The following CFAP299 variants were observed in gnomAD, a reference collection of about 807,000 sequenced individuals.
CFAP299 encodes the protein cilia and flagella associated protein 299, also known as cilia- and flagella-associated protein 299.
Under a neutral mutation model 27.0 loss-of-function variants are expected in CFAP299, and 21 were observed. That is an observed-to-expected ratio of 0.78 (90% CI 0.55 to 1.12). CFAP299 has a LOEUF of 1.12. CFAP299 is among the 50% of genes most tolerant of loss of function. The pLI, the probability that CFAP299 is intolerant of heterozygous loss-of-function variation, is 0.00. For missense variants in CFAP299, 310 were observed against 276.6 expected (o/e 1.12, Z -0.86); for synonymous variants, 104 against 98.1 (o/e 1.06, Z -0.36).
chr4:80,626,746 A>G (rs914350347), intron 3 of CFAP299, among the ~76,000 whole-genome samples: 2 of 151,762 alleles, frequency 1.3e-5, no homozygotes, highest in African/African-American at 4.8e-5. Context: ...TATACCAACC[A>G]TTTCAGTAAC....
chr4:80,770,099 G>T (rs751039328), intron 3 of CFAP299, among the ~76,000 whole-genome samples: 1 of 152,078 alleles, frequency 6.6e-6, no homozygotes, highest in Non-Finnish European at 1.5e-5. Flanking sequence ...TTCTTTCTTT[G>T]CACTTTCTTG....
chr4:80,799,876 T>C (rs1373645951), intron 3 of CFAP299, among the ~76,000 whole-genome samples: 1 of 33,894 alleles, frequency 3.0e-5, no homozygotes, highest in East Asian at 1.4e-3. Flanking sequence ...ATATATATTA[T>C]ATTATATAAT....
chr4:80,523,529 G>A (rs1235411362), intron 2 of CFAP299, among the ~76,000 whole-genome samples: 1 of 152,108 alleles, frequency 6.6e-6, no homozygotes, highest in Non-Finnish European at 1.5e-5. Context: ...GAAGATATTA[G>A]CATTTAAATC....
chr4:80,864,457 AG>A (rs1732578113), intron 3 of CFAP299, among the ~76,000 whole-genome samples: 1 of 145,832 alleles, frequency 6.9e-6, no homozygotes, highest in Non-Finnish European at 1.5e-5. Flanking sequence ...TACCTATATA[AG>A]TATATATATA....
chr4:80,893,503 C>A (rs1330399346), intron 4 of CFAP299, among the ~76,000 whole-genome samples: 1 of 151,756 alleles, frequency 6.6e-6, no homozygotes, highest in African/African-American at 2.4e-5. Flanking sequence ...CAGTATGATG[C>A]TAGCATAAAA....
intron 2 of CFAP299, among the ~76,000 whole-genome samples, chr4:80,580,955 AG>A (rs1736133023): frequency 6.6e-6 from 1 of 151,960 alleles, no homozygotes; most frequent in South Asian, 2.1e-4. Context: ...CAGTCCCCCA[AG>A]ATGAAGAGCC....
intron 2 of CFAP299, among the ~76,000 whole-genome samples, chr4:80,473,722 C>A (rs1481756134): frequency 6.6e-6 from 1 of 152,012 alleles, no homozygotes; most frequent in Non-Finnish European, 1.5e-5. Context: ...AGGCATGCAC[C>A]ACCACACCTG....
intron 3 of CFAP299, among the ~76,000 whole-genome samples, chr4:80,695,344 A>G (rs1158142386): frequency 6.6e-6 from 1 of 152,122 alleles, no homozygotes; most frequent in African/African-American, 2.4e-5. Context: ...TTTGTTTTTG[A>G]CCACCTAGCT....
Position 80,386,365 on chromosome 4 carries a change from G to A in CFAP299, c.242+23481G>A, listed in dbSNP as rs538126832. On this transcript the variant is annotated intron_variant, in intron 2 of 5. Coordinates refer to ENST00000358105, the MANE Select transcript of CFAP299 (RefSeq NM_152770.3). ...AGCTCCGCGTTCAGCTCTGCGAAGG[G>A]CGGCTTGCCCGGGACGGCCTCGGGC... 3.5e-5 allele frequency: 52 copies of A among 1,473,004 alleles called. No homozygotes were observed. The African/African-American group carries it at 5.4e-4, about 15-fold the overall frequency. 91.2% of individuals were successfully genotyped at this position (1,473,004 alleles called of 1,614,324 possible).
At chr4:80,368,559 A>G (rs1272464312) in intron 2 of CFAP299, among the ~76,000 whole-genome samples, 2 of 152,124 alleles carry the variant, frequency 1.3e-5, no homozygotes, top group Non-Finnish European at 2.9e-5. Flanking sequence ...TGGGAGGTTG[A>G]GATAGAACTG....
intron 4 of CFAP299, among the ~76,000 whole-genome samples, chr4:80,894,122 A>G (rs1220510611): frequency 6.6e-6 from 1 of 151,988 alleles, no homozygotes; most frequent in African/African-American, 2.4e-5. Context: ...AAGGTGCCCA[A>G]CCTCACTAAT....
At chr4:80,941,880 C>CA (rs1737213845) in intron 4 of CFAP299, among the ~76,000 whole-genome samples, 1 of 152,142 alleles carries the variant, frequency 6.6e-6, no homozygotes, top group African/African-American at 2.4e-5. Flanking sequence ...CACAAGAGCT[C>CA]AGTCACTATT....
intron 1 of CFAP299, among the ~76,000 whole-genome samples, chr4:80,352,481 C>T (rs1462107867): frequency 3.9e-5 from 6 of 152,094 alleles, no homozygotes; most frequent in Non-Finnish European, 7.4e-5. Flanking sequence ...GCAGGAGAAT[C>T]CCTTGAACCC....
chr4:80,637,372 G>A (rs1170013423), intron 3 of CFAP299, among the ~76,000 whole-genome samples: 4 of 152,122 alleles, frequency 2.6e-5, no homozygotes, highest in Non-Finnish European at 5.9e-5. Flanking sequence ...CCTGACTTTG[G>A]AAAGAAATGG....
chr4:80,676,779 C>A (rs1719490602), intron 3 of CFAP299, among the ~76,000 whole-genome samples: 1 of 151,868 alleles, frequency 6.6e-6, no homozygotes, highest in Non-Finnish European at 1.5e-5. Context: ...ATTTGTATTT[C>A]TGTGGTCTAA....
intron 2 of CFAP299, among the ~76,000 whole-genome samples, chr4:80,475,998 AGTCTATCCTTTTAATAAGTT>A (rs1157481585): frequency 6.6e-6 from 1 of 152,296 alleles, no homozygotes; most frequent in East Asian, 1.9e-4. Context: ...GAGGCCAAGT[AGTCTATCCTTTTAATAAGTT>A]GTGTAAAACA....
chr4:80,598,273 A>G (rs1343969969), intron 3 of CFAP299, among the ~76,000 whole-genome samples: 1 of 152,174 alleles, frequency 6.6e-6, no homozygotes, highest in Non-Finnish European at 1.5e-5. Flanking sequence ...AATGTACAAA[A>G]CAGTGTACTA....
chr4:80,549,694 A>T (rs1734407921), intron 2 of CFAP299, among the ~76,000 whole-genome samples: 1 of 152,158 alleles, frequency 6.6e-6, no homozygotes, highest in African/African-American at 2.4e-5. Context: ...TGCTGCTTAA[A>T]GGAGTAAATG....
At chr4:80,600,833 A>G (rs763138223) in intron 3 of CFAP299, among the ~76,000 whole-genome samples, 22 of 152,276 alleles carry the variant, frequency 1.4e-4, no homozygotes, top group Non-Finnish European at 2.9e-4. Context: ...TTTTAAATTC[A>G]TAGTTGAATT....
Sources: allele counts gnomAD v4.1 joint callset (sites outside exome capture counted in the v4.1 genomes callset), GRCh38; gene constraint gnomAD v4.1.1; transcripts MANE v1.5; gene names NCBI Gene and HGNC (gene_info 2026-07-23, HGNC 2026-07-21).